The following ATXN10 variants were observed in gnomAD, a reference collection of about 807,000 sequenced individuals.
ATXN10 encodes ataxin-10.
A neutral mutation model predicts 52.9 loss-of-function variants in ATXN10; 28 were observed. That is an observed-to-expected ratio of 0.53 (90% CI 0.39 to 0.73). The LOEUF (loss-of-function observed/expected upper bound fraction) is 0.73, where lower values mean the gene tolerates loss of function less well. Among genes scored for constraint, ATXN10 ranks in the 30% least tolerant of loss-of-function variants. The pLI is 0.00. For missense variants in ATXN10, 565 were observed against 577.0 expected, an observed-to-expected ratio of 0.98 and a Z score of 0.21; for synonymous variants, 226 against 221.5, an observed-to-expected ratio of 1.02 and a Z score of -0.18.
chr22:45,803,321 C>T (rs750020664), intron 9 of ATXN10, among the ~76,000 whole-genome samples: 6 of 152,200 alleles, frequency 3.9e-5, no homozygotes, highest in Middle Eastern at 3.2e-3. Flanking sequence ...TTCATCTTAT[C>T]TTCCAGCTTT....
intron 6 of ATXN10, among the ~76,000 whole-genome samples, chr22:45,725,827 TG>T (rs1924847270): frequency 6.6e-6 from 1 of 152,182 alleles, no homozygotes; most frequent in South Asian, 2.1e-4. Flanking sequence ...TTTACTATTT[TG>T]AGATATGTTC....
chr22:45,672,098 C>T lies in ATXN10; in HGVS notation c.35C>T (p.Ser12Leu), dbSNP rs1488797703. 5 of 1,539,050 alleles carry T rather than the reference C, an allele frequency of 3.2e-6. No individual in the cohort carries two copies. The highest frequency in any genetic ancestry group is 2.0e-5 in the Admixed American group (1 of 50,862). The part of the protein sequence containing the change: ...AAPRPPPARL[S>L]GVMVPAPIQD... ...CCCAGGCCGCCGCCTGCCAGGCTGT[C>T]GGGCGTCATGGTGCCGGCGCCCATC... The change falls in exon 1 of 12, where the codon TCG becomes TTG. Residue 12 changes from serine (S) to leucine (L), a missense_variant. Ser to Leu is a moderately radical substitution (Grantham distance 145). Coordinates refer to ENST00000252934, the MANE Select transcript of ATXN10 (RefSeq NM_013236.4).
In ATXN10 at chr22:45,845,215, A is replaced by C. The variant is rs544044878; in HGVS notation, c.*1544A>C. On this transcript the variant is annotated 3_prime_UTR_variant, in exon 12 of 12. Transcript: ENST00000252934. The surrounding 1 kb of genome is among the most constrained non-coding windows in gnomAD (Gnocchi z 4.7). Reference sequence around the variant, plus strand: ...ACTTCTTTTTTTCCTGTCTCAATGGATGTGTGCACACCAGTGGAATCGCAC... The same window carrying C: ...ACTTCTTTTTTTCCTGTCTCAATGGCTGTGTGCACACCAGTGGAATCGCAC... 2 of 152,314 alleles carry C rather than the reference A, an allele frequency of 1.3e-5. No individual in the cohort carries two copies. The highest frequency in any genetic ancestry group is 2.1e-4 in the South Asian group (1 of 4,832). 9.4% of individuals were successfully genotyped at this position (152,314 alleles called of 1,614,324 possible).
In ATXN10 at chr22:45,784,678, C is replaced by A. The variant is rs1220466352; in HGVS notation, c.1174-22281C>A. Among the ~76,000 whole-genome samples the A allele has an allele frequency of 6.6e-6, 1 of 152,162 alleles. No individual in the cohort carries two copies. The highest frequency in any genetic ancestry group is 1.5e-5 in the Non-Finnish European group (1 of 68,036). ...GAGGACACACAGCTTAGAGCAGGGC[C>A]CAAATTGACCTCATGGCTATTCTTA... On this transcript the variant is annotated intron_variant, in intron 9 of 11. Transcript: ENST00000252934. This position sits in a 1 kb window ranked among gnomAD's most constrained non-coding sequence, Gnocchi z 4.2.
At chr22:45,735,117 G>C (rs1198842038) in intron 7 of ATXN10, among the ~76,000 whole-genome samples, 1 of 152,010 alleles carries the variant, frequency 6.6e-6, no homozygotes, top group African/African-American at 2.4e-5. Context: ...GACTTTGGGT[G>C]ATCCACCCGC....
chr22:45,702,163 C>G (rs1022991759), intron 4 of ATXN10, among the ~76,000 whole-genome samples: 5 of 152,120 alleles, frequency 3.3e-5, no homozygotes, highest in African/African-American at 9.7e-5. Context: ...TATTGCATAA[C>G]CCATGATATA....
chr22:45,692,308 G>A (rs573171788), intron 2 of ATXN10, among the ~76,000 whole-genome samples: 3 of 152,250 alleles, frequency 2.0e-5, no homozygotes, highest in East Asian at 1.9e-4. Context: ...AGCAAAGCAA[G>A]GGCTGTGCTG....
At chr22:45,703,017 G>A (rs990655708) in intron 5 of ATXN10, among the ~76,000 whole-genome samples, 170 bp downstream of exon 5, 1 of 152,208 alleles carries the variant, frequency 6.6e-6, no homozygotes, top group African/African-American at 2.4e-5. Context: ...GAGAACTTGT[G>A]AATGAGGTGA....
chr22:45,716,508 TTG>T (rs71766865), intron 5 of ATXN10, among the ~76,000 whole-genome samples: 5,439 of 151,938 alleles, frequency 0.036, 116 homozygotes, highest in Non-Finnish European at 0.04. Flanking sequence ...ACTATTTTTT[TTG>T]TGTGTTTTTG....
Position 45,678,712 on chromosome 22 carries a change from GTAA to G in ATXN10, c.116+6535_116+6537del, listed in dbSNP as rs1226528916. 6.6e-6 allele frequency: 1 copy of G among 152,176 alleles called. No individual in the cohort carries two copies. The highest frequency in any genetic ancestry group is 1.9e-4 in the East Asian group (1 of 5,192). 9.4% of individuals were successfully genotyped at this position (152,176 alleles called of 1,614,324 possible). A position where few individuals can be genotyped will look rare whatever the true frequency, so the allele number is the denominator to read the frequency against. On this transcript the variant is annotated intron_variant, in intron 1 of 11. Transcript: ENST00000252934. This position sits in a 1 kb window ranked among gnomAD's most constrained non-coding sequence, Gnocchi z 4.1. ...GCCAGTAGCTCCAGTGAGCCAATCAGTAATTACTCAAATTGCTAAAATGCTATT... is the reference window on the plus strand; with the variant it reads ...GCCAGTAGCTCCAGTGAGCCAATCAGTTACTCAAATTGCTAAAATGCTATT...
chr22:45,748,449 A>G (rs1183654819), intron 9 of ATXN10, among the ~76,000 whole-genome samples: 1 of 152,210 alleles, frequency 6.6e-6, no homozygotes, highest in Non-Finnish European at 1.5e-5. Context: ...ATGAAAACAA[A>G]TATGAGAACT....
intron 9 of ATXN10, among the ~76,000 whole-genome samples, chr22:45,743,899 C>G (rs1925630688): frequency 6.6e-6 from 1 of 152,140 alleles, no homozygotes; most frequent in South Asian, 2.1e-4. Context: ...GGCCTGTGCT[C>G]ACTTCCTGCC....
At chr22:45,834,260 A>T (rs1929089663) in intron 10 of ATXN10, among the ~76,000 whole-genome samples, 2 of 152,166 alleles carry the variant, frequency 1.3e-5, no homozygotes, top group East Asian at 3.9e-4. Context: ...GGGCCAGCTT[A>T]TTATCTGGCC....
At chr22:45,703,226 C>T (rs535966610) in intron 5 of ATXN10, among the ~76,000 whole-genome samples, 14 of 152,266 alleles carry the variant, frequency 9.2e-5, no homozygotes, top group Admixed American at 4.6e-4. Flanking sequence ...AGCATCTGTG[C>T]AGATGAGATA....
chr22:45,751,763 A>AAAAAAAAATAAATAATAAT, intron 9 of ATXN10, among the ~76,000 whole-genome samples: 1 of 66,630 alleles, frequency 1.5e-5, no homozygotes, highest in Non-Finnish European at 2.9e-5. Flanking sequence ...AATAAAAAAA[A>AAAAAAAAATAAATAATAAT]AATAATAATA....
In ATXN10 at chr22:45,715,272, T is replaced by G. The variant is rs1049984392; in HGVS notation, c.648-3141T>G. On this transcript the variant is annotated intron_variant, in intron 5 of 11. Coordinates refer to ENST00000252934, the MANE Select transcript of ATXN10 (RefSeq NM_013236.4). The surrounding 1 kb of genome is among the most constrained non-coding windows in gnomAD (Gnocchi z 4.4). ...ATATATTGTCTGGTTTTATGTTGTT[T>G]AAGGTAGGGGGTAAATTGTTATTCC... Among the ~76,000 whole-genome samples the G allele has an allele frequency of 3.6e-5, 5 of 138,312 alleles. No homozygotes were observed. Among genetic ancestry groups the G allele is most frequent in the African/African-American group, 4.9e-5 (2 of 40,484 alleles). 90.7% of individuals were successfully genotyped at this position (138,312 alleles called of 152,430 possible). A position where few individuals can be genotyped will look rare whatever the true frequency, so the allele number is the denominator to read the frequency against.
intron 6 of ATXN10, among the ~76,000 whole-genome samples, chr22:45,726,345 A>T (rs1402376435): frequency 1.3e-5 from 2 of 152,022 alleles, no homozygotes; most frequent in Admixed American, 1.3e-4. Context: ...ACTGGTTGTT[A>T]CTGGTCTGTT....
Position 45,818,647 on chromosome 22 carries a change from G to T in ATXN10, c.1237+11625G>T, listed in dbSNP as rs1381419839. Among the ~76,000 whole-genome samples, 2 of 148,804 alleles carry T rather than the reference G, an allele frequency of 1.3e-5. No individual in the cohort carries two copies. The highest frequency in any genetic ancestry group is 2.1e-4 in the South Asian group (1 of 4,780). On this transcript the variant is annotated intron_variant, in intron 10 of 11. Transcript: ENST00000252934. This position sits in a 1 kb window ranked among gnomAD's most constrained non-coding sequence, Gnocchi z 4.6. ...TGGGGCAGGGATCAGGGATCAGGGG[G>T]CAGGGATCATCACGCAGGAAGCTGT...
rs71315146 is a variant in ATXN10 at position 45,727,331 on chromosome 22, ATATCTATCTATCTATCTATC to A, written c.729-2068_729-2049del. Among the ~76,000 whole-genome samples the A allele has an allele frequency of 2.7e-4, 40 of 146,794 alleles. No individual in the cohort carries two copies. The highest frequency in any genetic ancestry group is 1.2e-3 in the Admixed American group (17 of 14,606). On this transcript the variant is annotated intron_variant, in intron 6 of 11. Coordinates refer to ENST00000252934, the MANE Select transcript of ATXN10 (RefSeq NM_013236.4). The surrounding 1 kb of genome is among the most constrained non-coding windows in gnomAD (Gnocchi z 4.6). ...GTTCTGTCTGTCTGTCTATCTATCTATATCTATCTATCTATCTATCTATCTATCTATCTATCTATCTATCT... is the reference window on the plus strand; with the variant it reads ...GTTCTGTCTGTCTGTCTATCTATCTATATCTATCTATCTATCTATCTATCT...
Sources: allele counts gnomAD v4.1 joint callset (sites outside exome capture counted in the v4.1 genomes callset), GRCh38; gene constraint gnomAD v4.1.1; non-coding constraint Gnocchi (gnomAD v3.1); transcripts MANE v1.5; gene names NCBI Gene and HGNC (gene_info 2026-07-23, HGNC 2026-07-21).